The following IL36B variants were observed in gnomAD, a reference collection of about 807,000 sequenced individuals.
IL36B encodes the protein interleukin-36 beta.
Under a neutral mutation model 19.3 loss-of-function variants are expected in IL36B, and 23 were observed. That is an observed-to-expected ratio of 1.19 (90% CI 0.86 to 1.69). The LOEUF (loss-of-function observed/expected upper bound fraction) is 1.69, where lower values mean the gene tolerates loss of function less well. IL36B is among the 40% of genes most tolerant of loss of function. IL36B has a pLI of 0.00. For missense variants in IL36B, 217 were observed against 200.5 expected (o/e 1.08, Z -0.50); for synonymous variants, 59 against 59.7 (o/e 0.99, Z 0.05).
rs1685069486 is a variant in IL36B at position 113,031,229 on chromosome 2, A to G, written c.14-74T>C. ...AGGACTCCAGTTGCATCCTGGTATTAATGGCTTTTGAGTTTCTGGAGAGAG... is the reference window on the plus strand; with the variant it reads ...AGGACTCCAGTTGCATCCTGGTATTGATGGCTTTTGAGTTTCTGGAGAGAG... On this transcript the variant is annotated intron_variant, in intron 2 of 5. Coordinates refer to ENST00000259213, the MANE Select transcript of IL36B (RefSeq NM_014438.5). The G allele has an allele frequency of 4.0e-6, 4 of 996,240 alleles. No individual in the cohort carries two copies. In the South Asian group the frequency reaches 5.3e-5, roughly 13 times the overall value. 61.7% of individuals were successfully genotyped at this position (996,240 alleles called of 1,614,324 possible).
At chr2:113,031,409 G>A (rs183696057) in intron 2 of IL36B, among the ~76,000 whole-genome samples, 16 of 151,864 alleles carry the variant, frequency 1.1e-4, no homozygotes, top group African/African-American at 3.6e-4. Context: ...GTCTTTTTCC[G>A]AATGATAAAA....
At chr2:113,040,092 G>A (rs1335272577) in intron 1 of IL36B, among the ~76,000 whole-genome samples, 1 of 152,220 alleles carries the variant, frequency 6.6e-6, no homozygotes, top group Non-Finnish European at 1.5e-5. Flanking sequence ...GATCATCAAT[G>A]AAGACCAATG....
chr2:113,040,264 T>C (rs1685231739), intron 1 of IL36B, among the ~76,000 whole-genome samples: 1 of 152,220 alleles, frequency 6.6e-6, no homozygotes. Flanking sequence ...CTTCAACATG[T>C]TAAAATAGTG....
chr2:113,051,817 T>C (rs1227837567), intron 1 of IL36B, among the ~76,000 whole-genome samples: 1 of 152,134 alleles, frequency 6.6e-6, no homozygotes, highest in African/African-American at 2.4e-5. Context: ...CTTTCACGGA[T>C]GTCCTCAGCT....
Position 113,031,739 on chromosome 2 carries a change from C to T in IL36B, c.-30G>A, listed in dbSNP as rs2305150. On this transcript the variant is annotated 5_prime_UTR_variant, in exon 2 of 6. Transcript: ENST00000259213. ...TCTTCAGAGCCTTTTGTGAAGAGAA[C>T]AAGATAGATCAGATGGTGGTGAGGA... is the stretch of plus-strand genomic sequence containing the variant. 0.58 allele frequency: 912,115 copies of T among 1,579,122 alleles called. 266,935 individuals are homozygous for T. The highest frequency in any genetic ancestry group is 0.71 in the South Asian group (64,442 of 90,240).
chr2:113,026,690 T>C (rs1303572800), intron 4 of IL36B, among the ~76,000 whole-genome samples: 1 of 151,964 alleles, frequency 6.6e-6, no homozygotes, highest in Non-Finnish European at 1.5e-5. Context: ...TATAGAGGAG[T>C]GGTAGATTGA....
chr2:113,049,730 G>A (rs561662432), intron 1 of IL36B, among the ~76,000 whole-genome samples: 59 of 152,296 alleles, frequency 3.9e-4, no homozygotes, highest in Middle Eastern at 3.4e-3. Context: ...CGAGGTGGGC[G>A]GACCACCTGA....
At chr2:113,042,496 G>A (rs563352422) in intron 1 of IL36B, among the ~76,000 whole-genome samples, 17 of 152,086 alleles carry the variant, frequency 1.1e-4, no homozygotes, top group African/African-American at 2.7e-4. Flanking sequence ...CCCATCCCCC[G>A]TCCTATTCAC....
chr2:113,037,984 G>A (rs963374588), intron 1 of IL36B, among the ~76,000 whole-genome samples: 4 of 152,074 alleles, frequency 2.6e-5, no homozygotes, highest in Non-Finnish European at 5.9e-5. Context: ...TCACAATTAG[G>A]GCAGATCTGA....
chr2:113,035,479 C>T (rs982710132), intron 1 of IL36B, among the ~76,000 whole-genome samples: 16 of 151,874 alleles, frequency 1.1e-4, no homozygotes, highest in Admixed American at 9.2e-4. Flanking sequence ...TCGCCTATGC[C>T]CACCATCTTG....
At chr2:113,039,033 G>A (rs1481007050) in intron 1 of IL36B, among the ~76,000 whole-genome samples, 1 of 152,188 alleles carries the variant, frequency 6.6e-6, no homozygotes, top group Non-Finnish European at 1.5e-5. Context: ...TGTCCTTTAA[G>A]TTTAAGGGAT....
intron 1 of IL36B, among the ~76,000 whole-genome samples, chr2:113,043,902 T>C (rs1685302119): frequency 6.6e-6 from 1 of 152,224 alleles, no homozygotes. Flanking sequence ...TTCATATATG[T>C]GTAAGTCTAT....
At chr2:113,045,222 G>A (rs1685329926) in intron 1 of IL36B, among the ~76,000 whole-genome samples, 1 of 151,978 alleles carries the variant, frequency 6.6e-6, no homozygotes, top group African/African-American at 2.4e-5. Context: ...AATTTTGAAA[G>A]ATTTTTTGCT....
chr2:113,025,169 G>A (rs1180599519), intron 5 of IL36B, among the ~76,000 whole-genome samples: 3 of 152,170 alleles, frequency 2.0e-5, no homozygotes, highest in African/African-American at 4.8e-5. Context: ...ATCTCCTCCC[G>A]AGTGGATGCC....
intron 1 of IL36B, among the ~76,000 whole-genome samples, chr2:113,052,485 G>A (rs35236858): frequency 4.5e-4 from 68 of 152,206 alleles, no homozygotes; most frequent in African/African-American, 1.5e-3. Flanking sequence ...TCTAATTTTC[G>A]TTTTGTCTTA....
intron 1 of IL36B, among the ~76,000 whole-genome samples, chr2:113,032,782 C>A (rs1685103598): frequency 6.6e-6 from 1 of 152,202 alleles, no homozygotes; most frequent in African/African-American, 2.4e-5. Context: ...AAAGAGCATT[C>A]TTTCCTGCCC....
rs754978047 is a variant in IL36B, at chr2:113,026,236, G to C, written c.262-4C>G. On this transcript the variant is annotated splice_polypyrimidine_tract_variant and splice_region_variant and intron_variant, in intron 4 of 5. Transcript: ENST00000259213. The stretch of plus-strand genomic sequence containing the variant: ...TGTTATCTTGGGAGCCCTGAAGCTG[G>C]AAGAGAGAAATGTTCAATGTTGCTG... 2 of 1,613,472 alleles carry C rather than the reference G, an allele frequency of 1.2e-6. No homozygotes were observed. The highest frequency in any genetic ancestry group is 2.7e-5 in the African/African-American group (2 of 74,896).
chr2:113,030,183 G>A (rs1322637272), intron 3 of IL36B, among the ~76,000 whole-genome samples: 1 of 151,888 alleles, frequency 6.6e-6, no homozygotes, highest in East Asian at 1.9e-4. Context: ...AGAGAGCTGA[G>A]ATCGTGCCAT....
chr2:113,051,588 A>G (rs1685447052), intron 1 of IL36B, among the ~76,000 whole-genome samples: 1 of 152,098 alleles, frequency 6.6e-6, no homozygotes, highest in South Asian at 2.1e-4. Context: ...CTGGCTCAGC[A>G]CCCAGCTGCA....
Sources: gnomAD v4.1 joint callset for allele counts (sites outside exome capture counted in the v4.1 genomes callset) on GRCh38, gnomAD v4.1.1 for gene constraint, MANE v1.5 for transcripts, NCBI Gene and HGNC (gene_info 2026-07-23, HGNC 2026-07-21) for gene names.